Variants in VWA3B observed in about 807,000 individuals in gnomAD.
VWA3B encodes von Willebrand factor A domain-containing protein 3B.
VWA3B carries 138 observed loss-of-function variants against 158.3 expected under a neutral mutation model. That is an observed-to-expected ratio of 0.87 (90% CI 0.76 to 1.00). VWA3B has a LOEUF of 1.00. Ranked by LOEUF, VWA3B falls within the 50% of genes least tolerant of loss-of-function variation. VWA3B has a pLI of 0.00. For synonymous variants in VWA3B, 596 were observed against 587.3 expected, an observed-to-expected ratio of 1.01 and a Z score of -0.21; for missense variants, 1,555 against 1,565.1, an observed-to-expected ratio of 0.99 and a Z score of 0.11.
intron 19 of VWA3B, among the ~76,000 whole-genome samples, chr2:98,244,998 C>T (rs1286266584): frequency 6.6e-6 from 1 of 152,096 alleles, no homozygotes; most frequent in Non-Finnish European, 1.5e-5. Context: ...ATCCCCATCT[C>T]GATCACTACC....
chr2:98,109,432 T>C (rs1056934539), intron 2 of VWA3B, among the ~76,000 whole-genome samples: 2 of 152,234 alleles, frequency 1.3e-5, no homozygotes, highest in African/African-American at 4.8e-5. Context: ...TTCTTTTCCC[T>C]TTATAGCCCT....
chr2:98,299,948 GAA>G, intron 24 of VWA3B, 129 bp from the exon 25 acceptor site: 1 of 1,256,920 alleles, frequency 8.0e-7, no homozygotes, highest in Non-Finnish European at 1.1e-6. Context: ...TCTTAACTGA[GAA>G]AAAAAATATC....
intron 22 of VWA3B, 53 bp downstream of exon 22, chr2:98,270,936 A>G (rs1688165590): frequency 6.4e-7 from 1 of 1,567,928 alleles, no homozygotes; most frequent in African/African-American, 1.4e-5. Flanking sequence ...ATCCCAAGTC[A>G]TTGCCATTCC....
chr2:98,170,246 C>G (rs1013739695), intron 8 of VWA3B, among the ~76,000 whole-genome samples: 1 of 152,194 alleles, frequency 6.6e-6, no homozygotes, highest in Non-Finnish European at 1.5e-5. Flanking sequence ...TTGGAATAAC[C>G]TTCACAGCCA....
the VWA3B span, among the ~76,000 whole-genome samples, chr2:98,329,522 C>G: frequency 6.6e-6 from 1 of 151,610 alleles, no homozygotes; most frequent in South Asian, 2.1e-4. Context: ...TTTTAATGGG[C>G]AAGATCTTAA....
chr2:98,206,522 C>G, intron 12 of VWA3B: 1 of 490,914 alleles, frequency 2.0e-6, no homozygotes, highest in Admixed American at 2.3e-5. Flanking sequence ...CCAGAAAGTC[C>G]TGGATTCTGG....
intron 5 of VWA3B, among the ~76,000 whole-genome samples, chr2:98,123,298 A>G (rs952543690): frequency 2.0e-5 from 3 of 152,216 alleles, no homozygotes; most frequent in Non-Finnish European, 2.9e-5. Flanking sequence ...ATCTCCCTCC[A>G]TGAGCGGGTG....
rs191526882 is a variant in VWA3B at position 98,296,659 on chromosome 2, C to T, written c.3158-1248C>T. On this transcript the variant is annotated intron_variant, in intron 23 of 27. Coordinates refer to ENST00000477737, the MANE Select transcript of VWA3B (RefSeq NM_144992.5). Reference sequence around the variant, plus strand: ...ACTGGGGAGCTGCTGCAGCACATGCCGTGGAGCCCAGCGGGACGCGTGTGC... The same window carrying T: ...ACTGGGGAGCTGCTGCAGCACATGCTGTGGAGCCCAGCGGGACGCGTGTGC... 1.6e-4 allele frequency among the ~76,000 whole-genome samples: 25 copies of T among 152,278 alleles called. No homozygotes were observed. The East Asian group carries it at 4.1e-3, about 25-fold the overall frequency.
intron 22 of VWA3B, among the ~76,000 whole-genome samples, chr2:98,285,083 T>G (rs1689087166): frequency 6.6e-6 from 1 of 152,202 alleles, no homozygotes; most frequent in South Asian, 2.1e-4. Context: ...GTTACCTATT[T>G]CAACTCAATG....
At chr2:98,262,285 A>G (rs759051520) in intron 21 of VWA3B, among the ~76,000 whole-genome samples, 12 of 151,826 alleles carry the variant, frequency 7.9e-5, no homozygotes, top group African/African-American at 1.4e-4. Flanking sequence ...GTTTTTAAGT[A>G]TAATATAGTC....
chr2:98,248,465 T>A (rs1417622828), intron 19 of VWA3B, among the ~76,000 whole-genome samples: 1 of 152,116 alleles, frequency 6.6e-6, no homozygotes, highest in African/African-American at 2.4e-5. Flanking sequence ...CTTTTATAGC[T>A]CTTGTTCCAT....
At chr2:98,319,617 C>T in the VWA3B span, among the ~76,000 whole-genome samples, 2 of 152,186 alleles carry the variant, frequency 1.3e-5, no homozygotes, top group African/African-American at 4.8e-5. Flanking sequence ...CAGTGACTCA[C>T]ATTTATAATC....
intron 26 of VWA3B, among the ~76,000 whole-genome samples, chr2:98,304,678 G>A (rs917011404): frequency 2.0e-5 from 3 of 151,948 alleles, no homozygotes; most frequent in Non-Finnish European, 4.4e-5. Context: ...CTGTCCATTG[G>A]GCTCCAGAGG....
rs546335248 is a variant in VWA3B at position 98,232,512 on chromosome 2, C to G, written c.2309-2136C>G. 2.2e-4 allele frequency among the ~76,000 whole-genome samples: 33 copies of G among 152,106 alleles called. No homozygotes were observed. The East Asian group carries it at 6.0e-3, about 28-fold the overall frequency. On this transcript the variant is annotated intron_variant, in intron 16 of 27. Coordinates refer to ENST00000477737, the MANE Select transcript of VWA3B (RefSeq NM_144992.5). ...CAGATAATTCCAGCTCCTGATTCTT[C>G]TTGGTGTTGGCATCATGCATTTGCT...
At chr2:98,192,868 C>A (rs991556366) in intron 10 of VWA3B, 30 bp from the exon 11 acceptor site, 1 of 1,614,100 alleles carries the variant, frequency 6.2e-7, no homozygotes, top group Non-Finnish European at 8.5e-7. Flanking sequence ...CAGGCTCTCA[C>A]CATTCACTTT....
At chr2:98,182,648 GGT>G (rs1316994974) in intron 9 of VWA3B, among the ~76,000 whole-genome samples, 1 of 152,168 alleles carries the variant, frequency 6.6e-6, no homozygotes, top group Non-Finnish European at 1.5e-5. Context: ...GGCCAGGCAT[GGT>G]GGCTTACGTC....
At chr2:98,173,899 G>A (rs558559866) in intron 8 of VWA3B, among the ~76,000 whole-genome samples, 7 of 152,162 alleles carry the variant, frequency 4.6e-5, no homozygotes, top group South Asian at 2.1e-4. Context: ...CTCGGGAGGC[G>A]GAGGCTGCAG....
rs558330232 is a variant in VWA3B at position 98,107,655 on chromosome 2, G to A, written c.197-7997G>A. Among the ~76,000 whole-genome samples, 6 of 152,204 alleles carry A rather than the reference G, an allele frequency of 3.9e-5. No individual in the cohort carries two copies. The East Asian group carries it at 1.2e-3, about 29-fold the overall frequency. ...TCATTTCATCCAAGTTGTCTAATTT[G>A]TGAGGAGTTTGTAGTATTCTATTAT... On this transcript the variant is annotated intron_variant, in intron 2 of 27. Transcript: ENST00000477737.
At chr2:98,108,724 T>C (rs147776351) in intron 2 of VWA3B, among the ~76,000 whole-genome samples, 2 of 152,064 alleles carry the variant, frequency 1.3e-5, no homozygotes, top group East Asian at 1.9e-4. Flanking sequence ...TTTTAACTTA[T>C]ATATATAATT....
Sources: gnomAD v4.1 joint callset for allele counts (sites outside exome capture counted in the v4.1 genomes callset) on GRCh38, gnomAD v4.1.1 for gene constraint, MANE v1.5 for transcripts, NCBI Gene and HGNC (gene_info 2026-07-23, HGNC 2026-07-21) for gene names.